The following HVCN1 variants were observed in gnomAD, a reference collection of about 807,000 sequenced individuals.
HVCN1 encodes hydrogen voltage gated channel 1.
A neutral mutation model predicts 29.2 loss-of-function variants in HVCN1; 14 were observed. The observed-to-expected ratio is 0.48, with a 90% confidence interval of 0.32 to 0.75. The LOEUF (loss-of-function observed/expected upper bound fraction) is 0.75. Among genes scored for constraint, HVCN1 ranks in the 30% least tolerant of loss-of-function variants. The pLI is 0.04. For missense variants in HVCN1, 263 were observed against 341.8 expected (o/e 0.77, Z 1.82); for synonymous variants, 131 against 133.2 (o/e 0.98, Z 0.11).
chr12:110,703,504 T>C lies in HVCN1; in HGVS notation c.-228-1071A>G, dbSNP rs549383830. ...TATCTAAGACTTCAAAATAACCATATTGGGCGAGTGCCGTGGAGATGAAAC... is the reference window on the plus strand; with the variant it reads ...TATCTAAGACTTCAAAATAACCATACTGGGCGAGTGCCGTGGAGATGAAAC... On this transcript the variant is annotated intron_variant, in intron 1 of 4. Transcript: ENST00000546713. 3.9e-5 allele frequency among the ~76,000 whole-genome samples: 6 copies of C among 152,310 alleles called. No individual in the cohort carries two copies. In the South Asian group the frequency reaches 6.2e-4, roughly 16 times the overall value.
intron 3 of HVCN1, among the ~76,000 whole-genome samples, chr12:110,669,260 GA>G (rs2068484215): frequency 6.6e-6 from 1 of 151,924 alleles, no homozygotes; most frequent in African/African-American, 2.4e-5. Flanking sequence ...TTCACTTCCT[GA>G]ACCTGGCTGG....
rs140550678 is a variant in HVCN1, at chr12:110,650,231, T to A, written c.693A>T (p.Leu231Phe). 204 of 1,613,634 alleles carry A rather than the reference T, an allele frequency of 1.3e-4. No individual in the cohort carries two copies. In the African/African-American group the frequency reaches 2.6e-3, roughly 20 times the overall value. The change falls in exon 7 of 8, where the codon TTA (leucine) becomes TTT (phenylalanine). Residue 231 changes from leucine (L) to phenylalanine (F), a missense_variant. Coordinates refer to ENST00000242607, the MANE Select transcript of HVCN1 (RefSeq NM_032369.4). ...KTRSERQLLR[L>F]KQMNVQLAAK... is the part of the protein sequence containing the mutation. ...CGGCCAATTGTACATTCATCTGTTT[T>A]AACCTTAAGAGTTGCCGTTCTGAAC...
At chr12:110,659,741 A>G (rs943038290) in intron 4 of HVCN1, among the ~76,000 whole-genome samples, 1 of 152,170 alleles carries the variant, frequency 6.6e-6, no homozygotes, top group African/African-American at 2.4e-5. Context: ...CAACATAGCA[A>G]GATCCCATCT....
In HVCN1 at chr12:110,683,262, G is replaced by A; in HGVS notation, c.-17C>T. 1.2e-6 allele frequency: 2 copies of A among 1,605,438 alleles called. No individual in the cohort carries two copies. Among genetic ancestry groups the A allele is most frequent in the Non-Finnish European group, 1.7e-6 (2 of 1,177,468 alleles). The stretch of plus-strand genomic sequence containing the variant: ...GGTGGCCATGTCCCTGTTGCCTCTG[G>A]ATCTGAAAAATAAAAAGACATTTGT... On this transcript the variant is annotated splice_region_variant and 5_prime_UTR_variant, in exon 3 of 8. Coordinates refer to ENST00000242607, the MANE Select transcript of HVCN1 (RefSeq NM_032369.4).
At chr12:110,702,115 C>T (rs1379407823) in intron 2 of HVCN1, among the ~76,000 whole-genome samples, 1 of 151,562 alleles carries the variant, frequency 6.6e-6, no homozygotes, top group Non-Finnish European at 1.5e-5. Flanking sequence ...TAACACATCA[C>T]AGGCACACAT....
At chr12:110,687,260 C>CCG (rs1555238940) in intron 2 of HVCN1, among the ~76,000 whole-genome samples, 2 of 125,092 alleles carry the variant, frequency 1.6e-5, no homozygotes, top group African/African-American at 6.0e-5. Context: ...AGACCACACC[C>CCG]CCCCCCCCCA....
upstream of HVCN1, among the ~76,000 whole-genome samples, chr12:110,690,962 TC>T (rs1359508911): frequency 2.0e-5 from 3 of 150,694 alleles, no homozygotes; most frequent in African/African-American, 4.9e-5. Flanking sequence ...TCCATGCTGG[TC>T]AGGCTGGTCT....
chr12:110,655,727 C>G (rs2067968099), intron 4 of HVCN1, among the ~76,000 whole-genome samples: 1 of 138,206 alleles, frequency 7.2e-6, no homozygotes, highest in Non-Finnish European at 1.5e-5. Flanking sequence ...TTTTTTGAGA[C>G]AGAGTCTTGT....
At chr12:110,650,065 G>C in intron 7 of HVCN1, 103 bp downstream of exon 7, 1 of 723,410 alleles carries the variant, frequency 1.4e-6, no homozygotes, top group Non-Finnish European at 2.5e-6. Context: ...GGCTGGTCTC[G>C]AACTCCGGAC....
At chr12:110,664,157 C>T (rs1004306586) in intron 3 of HVCN1, among the ~76,000 whole-genome samples, 1 of 152,176 alleles carries the variant, frequency 6.6e-6, no homozygotes, top group Non-Finnish European at 1.5e-5. Context: ...TAGGCTAAAA[C>T]AACCTTCCAG....
chr12:110,687,635 C>A (rs900538469), intron 2 of HVCN1, among the ~76,000 whole-genome samples: 3 of 151,880 alleles, frequency 2.0e-5, no homozygotes, highest in Non-Finnish European at 2.9e-5. Context: ...GAGATGCTGG[C>A]GGCCTGGTCT....
chr12:110,683,007 A>G (rs2136440595), intron 3 of HVCN1: 1 of 586,782 alleles, frequency 1.7e-6, no homozygotes, highest in Non-Finnish European at 3.0e-6. Flanking sequence ...TTATTAACAT[A>G]CAGGGCTGGG....
intron 3 of HVCN1, among the ~76,000 whole-genome samples, chr12:110,674,435 G>A (rs1047009973): frequency 5.3e-5 from 8 of 152,168 alleles, no homozygotes; most frequent in African/African-American, 1.9e-4. Context: ...GGACTGTTGG[G>A]AAGGCATGAT....
intron 3 of HVCN1, among the ~76,000 whole-genome samples, chr12:110,673,986 T>G (rs1189833972): frequency 6.6e-6 from 1 of 152,204 alleles, no homozygotes; most frequent in Non-Finnish European, 1.5e-5. Flanking sequence ...GACCCCAGAA[T>G]GGTAGATCCA....
intron 3 of HVCN1, among the ~76,000 whole-genome samples, chr12:110,671,589 G>T (rs1403984013): frequency 6.6e-6 from 1 of 152,294 alleles, no homozygotes; most frequent in East Asian, 1.9e-4. Context: ...GCAGCCACAG[G>T]CAACCAGGAC....
intron 3 of HVCN1, among the ~76,000 whole-genome samples, chr12:110,670,950 G>T (rs1032078375): frequency 3.9e-5 from 6 of 152,176 alleles, no homozygotes; most frequent in African/African-American, 1.4e-4. Context: ...CCAGCACTTT[G>T]GGAGGCTGAG....
At chr12:110,672,551 G>A (rs2068616379) in intron 3 of HVCN1, among the ~76,000 whole-genome samples, 2 of 152,160 alleles carry the variant, frequency 1.3e-5, no homozygotes, top group African/African-American at 4.8e-5. Context: ...AGGAGAGAGG[G>A]ACTGGGTTGG....
At chr12:110,655,593 C>A (rs1300374590) in intron 4 of HVCN1, among the ~76,000 whole-genome samples, 1 of 152,236 alleles carries the variant, frequency 6.6e-6, no homozygotes, top group Non-Finnish European at 1.5e-5. Flanking sequence ...CGCTGCCCAC[C>A]TTCCCTGCCC....
intron 1 of HVCN1, among the ~76,000 whole-genome samples, chr12:110,704,517 G>T (rs1353158594): frequency 4.6e-5 from 7 of 152,028 alleles, no homozygotes; most frequent in Non-Finnish European, 7.4e-5. Context: ...AATTAGCCAG[G>T]TGTGGTAGTG....
Sources: allele counts gnomAD v4.1 joint callset (sites outside exome capture counted in the v4.1 genomes callset), GRCh38; gene constraint gnomAD v4.1.1; transcripts MANE v1.5; gene names NCBI Gene and HGNC (gene_info 2026-07-23, HGNC 2026-07-21).